The following MYBPC1 variants were observed in gnomAD, a reference collection of about 807,000 sequenced individuals.
MYBPC1 encodes myosin binding protein C1.
A neutral mutation model predicts 147.1 loss-of-function variants in MYBPC1; 52 were observed. The observed-to-expected ratio is 0.35, with a 90% CI of 0.28 to 0.45. The LOEUF is 0.45. Among genes scored for constraint, MYBPC1 ranks in the 20% least tolerant of loss-of-function variants. MYBPC1 has a pLI of 1.00. For missense variants in MYBPC1, 1,228 were observed against 1,440.3 expected, an observed-to-expected ratio of 0.85 and a Z score of 2.39; for synonymous variants, 477 against 475.9, an observed-to-expected ratio of 1.00 and a Z score of -0.03.
At chr12:101,662,649 G>A in intron 21 of MYBPC1, 103 bp downstream of exon 21, 1 of 1,294,408 alleles carries the variant, frequency 7.7e-7, no homozygotes, top group Admixed American at 1.8e-5. Context: ...ACTTCTTAGA[G>A]TTGTAGGTGG....
chr12:101,657,918 C>T (rs1198355189), intron 18 of MYBPC1, among the ~76,000 whole-genome samples: 3 of 152,056 alleles, frequency 2.0e-5, no homozygotes, highest in Admixed American at 6.5e-5. Context: ...GCCACGAGGT[C>T]AGGAGATCGA....
intron 29 of MYBPC1, among the ~76,000 whole-genome samples, chr12:101,681,457 A>G (rs867315027): frequency 7.4e-5 from 11 of 149,290 alleles, no homozygotes; most frequent in Admixed American, 2.7e-4. Flanking sequence ...TTAGAAAATC[A>G]TAGTAAATGC....
chr12:101,668,820 C>T (rs1260361942), intron 23 of MYBPC1, among the ~76,000 whole-genome samples: 1 of 152,158 alleles, frequency 6.6e-6, no homozygotes, highest in African/African-American at 2.4e-5. Flanking sequence ...AGCACAATGC[C>T]TCATGCCTGT....
intron 1 of MYBPC1, among the ~76,000 whole-genome samples, chr12:101,597,543 GTTC>G (rs1565867256): frequency 2.6e-5 from 4 of 152,170 alleles, no homozygotes; most frequent in African/African-American, 9.6e-5. Flanking sequence ...GGGAGAGCTG[GTTC>G]TTCTAAGGAG....
chr12:101,613,074 A>G (rs894674115), intron 1 of MYBPC1, among the ~76,000 whole-genome samples: 1 of 152,222 alleles, frequency 6.6e-6, no homozygotes, highest in Non-Finnish European at 1.5e-5. Context: ...GTAAATAGTA[A>G]TAAACTTATT....
chr12:101,685,756 G>C lies in MYBPC1; in HGVS notation c.*194G>C. ...GTTGAAATGAGAAAAAGCATTTTCT[G>C]TTTTCCCACCAGGCCCCCAAGTGTG... On this transcript the variant is annotated 3_prime_UTR_variant, in exon 32 of 32. Coordinates refer to ENST00000361466, the MANE Select transcript of MYBPC1 (RefSeq NM_002465.4). 1 of 1,052,938 alleles carries C rather than the reference G, an allele frequency of 9.5e-7. No individual in the cohort carries two copies. Among genetic ancestry groups the C allele is most frequent in the Non-Finnish European group, 1.3e-6 (1 of 761,012 alleles). The allele number at this position is 1,052,938 out of a possible 1,614,324, so 65.2% of individuals were successfully genotyped here.
chr12:101,676,965 A>T (rs901433912), intron 26 of MYBPC1, among the ~76,000 whole-genome samples: 2 of 152,182 alleles, frequency 1.3e-5, no homozygotes, highest in African/African-American at 2.4e-5. Context: ...AAATATAAAG[A>T]TAGTAGATGG....
At chr12:101,636,628 T>C (rs1891035168) in intron 9 of MYBPC1, 44 bp from the exon 10 acceptor site, 6 of 1,551,178 alleles carry the variant, frequency 3.9e-6, no homozygotes, top group Non-Finnish European at 5.3e-6. Context: ...GTTGTGTATG[T>C]CTCTGCATTA....
intron 12 of MYBPC1, among the ~76,000 whole-genome samples, chr12:101,645,288 T>C (rs544648973): frequency 1.3e-5 from 2 of 152,338 alleles, no homozygotes; most frequent in East Asian, 1.9e-4. Context: ...CTCTTTAATG[T>C]TGAGATAAAA....
Position 101,661,189 on chromosome 12 carries a change from G to T in MYBPC1, c.1959G>T (p.Val653=). 1 of 1,613,732 alleles carries T rather than the reference G, an allele frequency of 6.2e-7. No homozygotes were observed. The highest frequency in any genetic ancestry group is 1.1e-5 in the South Asian group (1 of 91,044). The part of the protein sequence containing the change: ...DFPDPPVAPT[V]TEVGDDWCIM... ...CTGATCCTCCAGTGGCACCGACTGT[G>T]ACAGAGGTGGGAGATGACTGGTGTA... Residue 653 remains valine, a synonymous_variant, in exon 20 of 32, where the codon GTG becomes GTT. Transcript: ENST00000361466.
intron 1 of MYBPC1, among the ~76,000 whole-genome samples, chr12:101,614,047 T>C (rs1885158396): frequency 6.6e-6 from 1 of 152,176 alleles, no homozygotes; most frequent in Non-Finnish European, 1.5e-5. Flanking sequence ...ATGCTCACCA[T>C]ATGCTTGCTA....
intron 1 of MYBPC1, among the ~76,000 whole-genome samples, chr12:101,602,296 C>G (rs1246260310): frequency 6.6e-6 from 1 of 152,158 alleles, no homozygotes; most frequent in East Asian, 1.9e-4. Flanking sequence ...CTCACTGCAA[C>G]CTTCACCTCC....
intron 1 of MYBPC1, among the ~76,000 whole-genome samples, chr12:101,601,411 T>C (rs1298542726): frequency 1.3e-5 from 2 of 152,156 alleles, no homozygotes; most frequent in African/African-American, 4.8e-5. Flanking sequence ...TGGGACAGAG[T>C]ATTTATGGGC....
chr12:101,693,009 C>T, the MYBPC1 span, among the ~76,000 whole-genome samples: 5 of 148,668 alleles, frequency 3.4e-5, no homozygotes, highest in African/African-American at 9.9e-5. Flanking sequence ...TGCAGTGGCG[C>T]GATCTCAGCT....
At chr12:101,669,678 G>A (rs1263088280) in intron 23 of MYBPC1, among the ~76,000 whole-genome samples, 1 of 151,984 alleles carries the variant, frequency 6.6e-6, no homozygotes, top group Non-Finnish European at 1.5e-5. Context: ...GGCTCATGCC[G>A]GTAATCCCAG....
Position 101,680,532 on chromosome 12 carries a change from A to G in MYBPC1, c.3433+3A>G. The G allele has an allele frequency of 1.2e-6, 2 of 1,613,112 alleles. No homozygotes were observed. The highest frequency in any genetic ancestry group is 1.7e-6 in the Non-Finnish European group (2 of 1,179,126). ...TGAATGCAAACTGGAGGTGAAAGGT[A>G]TGACATCCAATATCTCACGTATAGA... On this transcript the variant is annotated splice_donor_region_variant and intron_variant, in intron 29 of 31. Transcript: ENST00000361466.
chr12:101,691,283 G>C, the MYBPC1 span, among the ~76,000 whole-genome samples: 6,415 of 152,160 alleles, frequency 0.042, 228 homozygotes, highest in South Asian at 0.063. Flanking sequence ...TTTTGGCCAG[G>C]CTAGTCTCAA....
rs1341697157 is a variant in MYBPC1 at position 101,668,633 on chromosome 12, T to C, written c.2524+734T>C. ...GCACCACTACGCCTGGCTAATTTTTTTGGTATTTTTTAGTAGAGACAGGGT... is the reference window on the plus strand; with the variant it reads ...GCACCACTACGCCTGGCTAATTTTTCTGGTATTTTTTAGTAGAGACAGGGT... On this transcript the variant is annotated intron_variant, in intron 23 of 31. Transcript: ENST00000361466. Among the ~76,000 whole-genome samples the C allele has an allele frequency of 2.6e-5, 4 of 152,036 alleles. 1 individual carries two copies. Among genetic ancestry groups the C allele is most frequent in the African/African-American group, 7.2e-5 (3 of 41,414 alleles).
At chr12:101,661,137 C>G in intron 19 of MYBPC1, 21 bp from the exon 20 acceptor site, 1 of 1,550,952 alleles carries the variant, frequency 6.4e-7, no homozygotes, top group Non-Finnish European at 8.9e-7. Flanking sequence ...TTTACTTTAT[C>G]CTATTTTTTG....
Sources: allele counts gnomAD v4.1 joint callset (sites outside exome capture counted in the v4.1 genomes callset), GRCh38; gene constraint gnomAD v4.1.1; transcripts MANE v1.5; gene names NCBI Gene and HGNC (gene_info 2026-07-23, HGNC 2026-07-21).